ENAH: variants seen among roughly 807,000 people sequenced by gnomAD.
ENAH encodes the protein ENAH actin regulator.
Under a neutral mutation model 78.7 loss-of-function variants are expected in ENAH, and 23 were observed. That is an observed-to-expected ratio of 0.29 (90% CI 0.21 to 0.41). The LOEUF is 0.41. Among genes scored for constraint, ENAH ranks in the 10% least tolerant of loss-of-function variants. The pLI is 1.00. For synonymous variants in ENAH, 226 were observed against 241.0 expected, an observed-to-expected ratio of 0.94 and a Z score of 0.58; for missense variants, 544 against 691.0, an observed-to-expected ratio of 0.79 and a Z score of 2.39.
rs2096227047 is a variant in ENAH, at chr1:225,492,518, C to CG, written c.*5256dup. 6.6e-6 allele frequency: 1 copy of CG among 152,232 alleles called. No homozygotes were observed. The highest frequency in any genetic ancestry group is 1.5e-5 in the Non-Finnish European group (1 of 68,054). The allele number at this position is 152,232 out of a possible 1,614,324, so 9.4% of individuals were successfully genotyped here. A position where few individuals can be genotyped will look rare whatever the true frequency, so the allele number is the denominator to read the frequency against. On this transcript the variant is annotated 3_prime_UTR_variant, in exon 14 of 14. Transcript: ENST00000366843. ...CTGTGTCCTACACCAGAAGCGTCTA[C>CG]GGGCCCTGCTCTCTGCTCTTTATGA...
chr1:225,589,483 A>G (rs1399184781), intron 1 of ENAH, among the ~76,000 whole-genome samples: 1 of 152,180 alleles, frequency 6.6e-6, no homozygotes, highest in African/African-American at 2.4e-5. Context: ...ACTCCCACAG[A>G]TATTAAAATC....
intron 11 of ENAH, chr1:225,501,304 G>A (rs2096281041): frequency 2.3e-6 from 1 of 440,448 alleles, no homozygotes; most frequent in Non-Finnish European, 4.0e-6. Flanking sequence ...ACAAGATGGT[G>A]AGACTTCTTC....
chr1:225,586,709 GAGA>G (rs1168652826), intron 1 of ENAH, among the ~76,000 whole-genome samples: 2 of 152,086 alleles, frequency 1.3e-5, no homozygotes, highest in African/African-American at 2.4e-5. Context: ...CAGAATAAAG[GAGA>G]AGAACAACGT....
chr1:225,634,421 T>C (rs1575809519), intron 1 of ENAH, among the ~76,000 whole-genome samples: 1 of 152,310 alleles, frequency 6.6e-6, no homozygotes. Flanking sequence ...GACATTCTGG[T>C]TGTCTCTTCT....
In ENAH at chr1:225,489,932, G is replaced by A. The variant is rs2096214859; in HGVS notation, c.*7843C>T. The A allele has an allele frequency of 6.6e-6, 1 of 152,152 alleles. No homozygotes were observed. The highest frequency in any genetic ancestry group is 1.5e-5 in the Non-Finnish European group (1 of 68,044). The allele number at this position is 152,152 out of a possible 1,614,324, so 9.4% of individuals were successfully genotyped here. ...CCACTGCACTCCAGCCTGGATGACAGAGCGAGACTGTCTCGAAATAATAAT... is the reference window on the plus strand; with the variant it reads ...CCACTGCACTCCAGCCTGGATGACAAAGCGAGACTGTCTCGAAATAATAAT... On this transcript the variant is annotated 3_prime_UTR_variant, in exon 14 of 14. Coordinates refer to ENST00000366843, the MANE Select transcript of ENAH (RefSeq NM_018212.6).
Position 225,500,989 on chromosome 1 carries a change from C to A in ENAH, c.1617+3G>T. On this transcript the variant is annotated splice_donor_region_variant and intron_variant, in intron 12 of 13. Coordinates refer to ENST00000366843, the MANE Select transcript of ENAH (RefSeq NM_018212.6). ...TAAAGGAAAGCTGCCACTGAGCACCCACCTGCTTCAGCCTGTCATAGTCAA... is the reference window on the plus strand; with the variant it reads ...TAAAGGAAAGCTGCCACTGAGCACCAACCTGCTTCAGCCTGTCATAGTCAA... The A allele has an allele frequency of 6.2e-7, 1 of 1,613,744 alleles. No homozygotes were observed. Among genetic ancestry groups the A allele is most frequent in the Non-Finnish European group, 8.5e-7 (1 of 1,179,794 alleles).
At chr1:225,564,780 T>C (rs1235499111) in intron 2 of ENAH, among the ~76,000 whole-genome samples, 7 of 152,080 alleles carry the variant, frequency 4.6e-5, no homozygotes, top group Admixed American at 3.3e-4. Context: ...ACAAATACTA[T>C]TTATTTTCAT....
intron 4 of ENAH, among the ~76,000 whole-genome samples, chr1:225,524,340 T>C (rs901954960): frequency 6.6e-6 from 1 of 152,226 alleles, no homozygotes; most frequent in African/African-American, 2.4e-5. Context: ...ATGAATAGTG[T>C]TACTAGGTAA....
At position 225,527,054 on chromosome 1, in the gene ENAH, G is replaced by C. The variant is rs2096510842; in HGVS notation, c.434+3500C>G. On this transcript the variant is annotated intron_variant, in intron 4 of 13. Coordinates refer to ENST00000366843, the MANE Select transcript of ENAH (RefSeq NM_018212.6). The stretch of plus-strand genomic sequence containing the variant: ...TCTTAGTTTCTTGCTGGGCTCTACA[G>C]GTCTGGCTGCCAGCGTCTAGGAGCT... Among the ~76,000 whole-genome samples, 3 of 152,164 alleles carry C rather than the reference G, an allele frequency of 2.0e-5. No homozygotes were observed. In the South Asian group the frequency reaches 6.2e-4, roughly 32 times the overall value.
At chr1:225,528,502 G>C (rs554007670) in intron 4 of ENAH, among the ~76,000 whole-genome samples, 15 of 152,276 alleles carry the variant, frequency 9.9e-5, no homozygotes, top group South Asian at 6.2e-4. Flanking sequence ...ATGCTGAGCA[G>C]GGAGATGACA....
intron 1 of ENAH, among the ~76,000 whole-genome samples, chr1:225,589,671 A>G (rs1418157358): frequency 2.0e-5 from 3 of 152,066 alleles, no homozygotes; most frequent in African/African-American, 4.8e-5. Context: ...AATATTTTTT[A>G]TCTGTGGATA....
chr1:225,541,385 A>G (rs2096587706), intron 3 of ENAH, among the ~76,000 whole-genome samples: 1 of 152,156 alleles, frequency 6.6e-6, no homozygotes, highest in African/African-American at 2.4e-5. Context: ...CAGTGAGCCA[A>G]GATCGCGCCA....
intron 1 of ENAH, among the ~76,000 whole-genome samples, chr1:225,572,030 G>A (rs780422339): frequency 2.0e-5 from 3 of 152,132 alleles, no homozygotes; most frequent in Admixed American, 6.6e-5. Flanking sequence ...AGTATTTGCA[G>A]TTGGCTAAGC....
intron 1 of ENAH, among the ~76,000 whole-genome samples, chr1:225,625,321 T>A (rs937053909): frequency 1.3e-4 from 20 of 152,264 alleles, no homozygotes; most frequent in African/African-American, 4.8e-4. Context: ...CAGACAAAAA[T>A]AATTTTTAAA....
At chr1:225,555,173 T>A in intron 2 of ENAH, 90 bp from the exon 3 acceptor site, 3 of 1,186,196 alleles carry the variant, frequency 2.5e-6, no homozygotes, top group Non-Finnish European at 3.4e-6. Flanking sequence ...TTCATTCAAA[T>A]GTGTTCCTAA....
intron 1 of ENAH, among the ~76,000 whole-genome samples, chr1:225,620,097 C>CA (rs1193142211): frequency 6.6e-6 from 1 of 151,804 alleles, no homozygotes; most frequent in Non-Finnish European, 1.5e-5. Flanking sequence ...ACACAGTTCC[C>CA]ACAGAAAGAT....
At chr1:225,621,574 G>T (rs989298029) in intron 1 of ENAH, among the ~76,000 whole-genome samples, 1 of 151,882 alleles carries the variant, frequency 6.6e-6, no homozygotes, top group African/African-American at 2.4e-5. Flanking sequence ...TTACAGGCGT[G>T]AGCCACCGCG....
At chr1:225,544,951 T>C (rs953177472) in intron 3 of ENAH, among the ~76,000 whole-genome samples, 2 of 152,162 alleles carry the variant, frequency 1.3e-5, no homozygotes, top group African/African-American at 4.8e-5. Flanking sequence ...ACAAAGCTAA[T>C]TGCTGGGCAA....
chr1:225,526,051 G>A (rs972877580), intron 4 of ENAH, among the ~76,000 whole-genome samples: 1 of 152,114 alleles, frequency 6.6e-6, no homozygotes, highest in African/African-American at 2.4e-5. Context: ...TCTAGCAAAT[G>A]ACACAGATGG....
Sources: allele counts gnomAD v4.1 joint callset (sites outside exome capture counted in the v4.1 genomes callset), GRCh38; gene constraint gnomAD v4.1.1; transcripts MANE v1.5; gene names NCBI Gene and HGNC (gene_info 2026-07-23, HGNC 2026-07-21).